Variants in BTBD9 observed in about 807,000 individuals in gnomAD.
BTBD9 encodes BTB/POZ domain-containing protein 9.
BTBD9 carries 49 observed loss-of-function variants against 64.3 expected under a neutral mutation model. The observed-to-expected ratio is 0.76, with a 90% CI of 0.61 to 0.97. The LOEUF is 0.97. Ranked by LOEUF, BTBD9 falls within the 50% of genes least tolerant of loss-of-function variation. BTBD9 has a pLI of 0.00. For missense variants in BTBD9, 598 were observed against 762.1 expected (o/e 0.78, Z 2.53); for synonymous variants, 260 against 274.7 (o/e 0.95, Z 0.53).
intron 1 of BTBD9, among the ~76,000 whole-genome samples, chr6:38,632,392 C>T (rs1248530310): frequency 6.6e-6 from 1 of 152,094 alleles, no homozygotes; most frequent in African/African-American, 2.4e-5. Context: ...AATAACTACA[C>T]TGAACCATAA....
chr6:38,246,323 A>G (rs1241060969), intron 9 of BTBD9, among the ~76,000 whole-genome samples: 1 of 152,298 alleles, frequency 6.6e-6, no homozygotes, highest in East Asian at 1.9e-4. Context: ...GTACTTCATA[A>G]CCCCATAAAC....
At chr6:38,310,321 G>A (rs1342811025) in intron 7 of BTBD9, among the ~76,000 whole-genome samples, 2 of 152,056 alleles carry the variant, frequency 1.3e-5, no homozygotes, top group African/African-American at 4.8e-5. Context: ...CGCCTCCTGA[G>A]CTGTGAACTT....
chr6:38,591,713 T>C (rs12208087), intron 4 of BTBD9, among the ~76,000 whole-genome samples: 27,633 of 152,110 alleles, frequency 0.18, 3,203 homozygotes, highest in Non-Finnish European at 0.27. Context: ...CAAAGAGTTG[T>C]GAGAATTAAA....
At chr6:38,252,305 C>G (rs1764429270) in intron 9 of BTBD9, among the ~76,000 whole-genome samples, 1 of 152,196 alleles carries the variant, frequency 6.6e-6, no homozygotes, top group African/African-American at 2.4e-5. Flanking sequence ...AAAGAGCAGA[C>G]TACAATTCTT....
In BTBD9 at chr6:38,188,752, G is replaced by C. The variant is rs1245711946; in HGVS notation, c.1641+3767C>G. Among the ~76,000 whole-genome samples, 10 of 152,316 alleles carry C rather than the reference G, an allele frequency of 6.6e-5. No individual in the cohort carries two copies. In the East Asian group the frequency reaches 1.5e-3, roughly 24 times the overall value. On this transcript the variant is annotated intron_variant, in intron 10 of 10. Transcript: ENST00000481247. ...AAGTGGGGTCTTTGGGAAATGATCAGGTTCAGCGGAGGTCATGAAGGTGAA... is the reference window on the plus strand; with the variant it reads ...AAGTGGGGTCTTTGGGAAATGATCACGTTCAGCGGAGGTCATGAAGGTGAA...
At chr6:38,178,292 A>G (rs1468335378) in intron 10 of BTBD9, among the ~76,000 whole-genome samples, 2 of 152,078 alleles carry the variant, frequency 1.3e-5, no homozygotes, top group Non-Finnish European at 2.9e-5. Context: ...TGGGCAAGCT[A>G]CAGGTGACAG....
intron 6 of BTBD9, among the ~76,000 whole-genome samples, chr6:38,507,093 T>C (rs970517476): frequency 6.6e-6 from 1 of 152,234 alleles, no homozygotes; most frequent in African/African-American, 2.4e-5. Context: ...CCTTCGGATC[T>C]CAGTTTAAAA....
chr6:38,228,446 T>C (rs2127514784), intron 9 of BTBD9, among the ~76,000 whole-genome samples: 1 of 147,480 alleles, frequency 6.8e-6, no homozygotes, highest in Middle Eastern at 3.6e-3. Flanking sequence ...GTTCATCAAA[T>C]GCAACAAATG....
intron 6 of BTBD9, among the ~76,000 whole-genome samples, chr6:38,403,825 C>T (rs1311428734): frequency 6.6e-6 from 1 of 152,064 alleles, no homozygotes. Context: ...ACTAAAATGG[C>T]CCAAATATCC....
At chr6:38,272,935 T>C (rs1391593023) in intron 8 of BTBD9, among the ~76,000 whole-genome samples, 2 of 152,140 alleles carry the variant, frequency 1.3e-5, no homozygotes, top group East Asian at 3.9e-4. Flanking sequence ...CTAAAGGAAT[T>C]AGAGCTATTG....
intron 6 of BTBD9, among the ~76,000 whole-genome samples, chr6:38,399,064 C>T (rs901792026): frequency 1.3e-5 from 2 of 152,154 alleles, no homozygotes; most frequent in African/African-American, 4.8e-5. Flanking sequence ...ATAGCAGGTC[C>T]TATGGTGAGA....
chr6:38,389,682 A>G (rs573831083), intron 6 of BTBD9, among the ~76,000 whole-genome samples: 128 of 152,372 alleles, frequency 8.4e-4, no homozygotes, highest in African/African-American at 2.8e-3. Context: ...CAAAGGATCA[A>G]GAAGACTAGC....
chr6:38,584,571 T>C (rs1776431584), intron 4 of BTBD9, among the ~76,000 whole-genome samples: 1 of 152,182 alleles, frequency 6.6e-6, no homozygotes, highest in South Asian at 2.1e-4. Context: ...TTCTTAATTA[T>C]CTTTTATCGA....
At chr6:38,253,310 G>T (rs1458461150) in intron 9 of BTBD9, among the ~76,000 whole-genome samples, 2 of 152,194 alleles carry the variant, frequency 1.3e-5, no homozygotes, top group Admixed American at 6.5e-5. Flanking sequence ...CGAAGGTTAG[G>T]CAAGCACCTT....
At chr6:38,591,028 T>C (rs917483592) in intron 4 of BTBD9, among the ~76,000 whole-genome samples, 5 of 152,198 alleles carry the variant, frequency 3.3e-5, no homozygotes, top group African/African-American at 1.2e-4. Context: ...CACTGGTCTC[T>C]CTGAATCAGT....
intron 8 of BTBD9, among the ~76,000 whole-genome samples, chr6:38,267,486 A>G (rs1016646573): frequency 1.1e-4 from 16 of 152,346 alleles, no homozygotes; most frequent in African/African-American, 3.4e-4. Context: ...GGTTCCCTGC[A>G]TAACACCATC....
chr6:38,482,861 G>A (rs1284172547), intron 6 of BTBD9, among the ~76,000 whole-genome samples: 1 of 152,062 alleles, frequency 6.6e-6, no homozygotes, highest in Non-Finnish European at 1.5e-5. Flanking sequence ...TGAAGGTAAG[G>A]CTTCCATTTT....
rs555999014 is a variant in BTBD9, at chr6:38,458,157, C to A, written c.1155-113064G>T. Among the ~76,000 whole-genome samples the A allele has an allele frequency of 1.5e-3, 221 of 152,196 alleles. 1 individual carries two copies. The highest frequency in any genetic ancestry group is 2.5e-3 in the Non-Finnish European group (168 of 67,982). On this transcript the variant is annotated intron_variant, in intron 6 of 10. Coordinates refer to ENST00000481247, the MANE Select transcript of BTBD9 (RefSeq NM_001099272.2). Reference sequence around the variant, plus strand: ...TTCCTATAACACGATTGGAAAAAAACAAAACAGATTAAAATATTTGTTTGC... The same window carrying A: ...TTCCTATAACACGATTGGAAAAAAAAAAAACAGATTAAAATATTTGTTTGC...
Position 38,302,766 on chromosome 6 carries a change from T to C in BTBD9, c.1265-14305A>G, listed in dbSNP as rs537792497. On this transcript the variant is annotated intron_variant, in intron 7 of 10. Coordinates refer to ENST00000481247, the MANE Select transcript of BTBD9 (RefSeq NM_001099272.2). ...TACTAATTTACATTACCACCAACAG[T>C]GTATAAGAGTTCCCCCTTTCTCCAC... Among the ~76,000 whole-genome samples the C allele has an allele frequency of 2.0e-5, 3 of 152,060 alleles. No homozygotes were observed. The East Asian group carries it at 5.8e-4, about 29-fold the overall frequency.
Sources: gnomAD v4.1 joint callset for allele counts (sites outside exome capture counted in the v4.1 genomes callset) on GRCh38, gnomAD v4.1.1 for gene constraint, MANE v1.5 for transcripts, NCBI Gene and HGNC (gene_info 2026-07-23, HGNC 2026-07-21) for gene names.